SLC16A6: variants seen among roughly 807,000 people sequenced by gnomAD.
SLC16A6 encodes the protein solute carrier family 16 member 6, also known as monocarboxylate transporter 7.
Under a neutral mutation model 33.8 loss-of-function variants are expected in SLC16A6, and 15 were observed. The ratio of observed to expected loss-of-function variants is 0.44; its 90% confidence interval spans 0.30 to 0.68. The LOEUF is 0.68. Ranked by LOEUF, SLC16A6 falls within the 30% of genes least tolerant of loss-of-function variation. The probability of loss-of-function intolerance (pLI) is 0.10; values close to 1 mark genes in which losing one functional copy is unlikely to be tolerated. For synonymous variants in SLC16A6, 219 were observed against 248.4 expected, an observed-to-expected ratio of 0.88 and a Z score of 1.11; for missense variants, 451 against 661.5, an observed-to-expected ratio of 0.68 and a Z score of 3.49.
rs1402464659 is a variant in SLC16A6 at position 68,267,517 on chromosome 17, T to C, written c.*1579A>G. ...ACTTTCATTTCAGTGCAGAGAAATATTCAAGCTTGTGTGTACCTGTAACCA... is the reference window on the plus strand; with the variant it reads ...ACTTTCATTTCAGTGCAGAGAAATACTCAAGCTTGTGTGTACCTGTAACCA... On this transcript the variant is annotated 3_prime_UTR_variant, in exon 6 of 6. Transcript: ENST00000580666. 1.3e-5 allele frequency: 2 copies of C among 152,216 alleles called. No homozygotes were observed. Among genetic ancestry groups the C allele is most frequent in the Non-Finnish European group, 2.9e-5 (2 of 68,036 alleles). The allele number at this position is 152,216 out of a possible 1,614,324, so 9.4% of individuals were successfully genotyped here. A position where few individuals can be genotyped will look rare whatever the true frequency, so the allele number is the denominator to read the frequency against.
At chr17:68,272,558 T>C (rs1477265327) in intron 4 of SLC16A6, 81 bp downstream of exon 4, 2 of 1,525,994 alleles carry the variant, frequency 1.3e-6, no homozygotes, top group Admixed American at 3.6e-5. Flanking sequence ...ATCCATACTG[T>C]TGGCAAAAGT....
chr17:68,276,087 C>T (rs527657708), intron 2 of SLC16A6, among the ~76,000 whole-genome samples: 69 of 151,892 alleles, frequency 4.5e-4, no homozygotes, highest in Admixed American at 1.8e-3. Context: ...AGATAAATTT[C>T]TCTCTCTCTC....
rs201684893 is a variant in SLC16A6 at position 68,270,415 on chromosome 17, G to A, written c.1321+424C>T. 3.9e-4 allele frequency among the ~76,000 whole-genome samples: 59 copies of A among 152,178 alleles called. No individual in the cohort carries two copies. The East Asian group carries it at 0.01, about 26-fold the overall frequency. On this transcript the variant is annotated intron_variant, in intron 5 of 5. Coordinates refer to ENST00000580666, the MANE Select transcript of SLC16A6 (RefSeq NM_004694.5). ...CTAAAAATACAAAAATTAGCCAGGCGTGGTGGTGGGTGCCTGTAGTCCCAG... is the reference window on the plus strand; with the variant it reads ...CTAAAAATACAAAAATTAGCCAGGCATGGTGGTGGGTGCCTGTAGTCCCAG...
At chr17:68,280,693 A>T (rs553036509) in intron 1 of SLC16A6, among the ~76,000 whole-genome samples, 2 of 152,374 alleles carry the variant, frequency 1.3e-5, no homozygotes, top group African/African-American at 4.8e-5. Flanking sequence ...ACTAGAAGAA[A>T]ACATAGGGGA....
At chr17:68,277,250 G>T (rs2075553668) in intron 2 of SLC16A6, among the ~76,000 whole-genome samples, 1 of 151,568 alleles carries the variant, frequency 6.6e-6, no homozygotes, top group Admixed American at 6.6e-5. Flanking sequence ...TCCTACCTCA[G>T]CCTCCTGAGT....
Position 68,271,347 on chromosome 17 carries a change from C to G in SLC16A6, c.813G>C (p.Lys271Asn). Reference protein sequence around the residue: ...PKADMQQVLVKTSPRPSEKKA... With the variant: ...PKADMQQVLVNTSPRPSEKKA... ...TCTTTTCGCTTGGCCTGGGGCTGGTCTTCACCAGGACCTGCTGCATGTCGG... is the reference window on the plus strand; with the variant it reads ...TCTTTTCGCTTGGCCTGGGGCTGGTGTTCACCAGGACCTGCTGCATGTCGG... The change falls in exon 5 of 6, where the codon AAG becomes AAC. Residue 271 changes from lysine (K) to asparagine (N), a missense_variant. This residue lies in a region of SLC16A6 where 405 missense variants were observed against 510.7 expected (regional missense o/e 0.79). Coordinates refer to ENST00000580666, the MANE Select transcript of SLC16A6 (RefSeq NM_004694.5). The surrounding 1 kb of genome is among the most constrained non-coding windows in gnomAD (Gnocchi z 5.3). 6.2e-7 allele frequency: 1 copy of G among 1,614,228 alleles called. No individual in the cohort carries two copies. Among genetic ancestry groups the G allele is most frequent in the Non-Finnish European group, 8.5e-7 (1 of 1,180,046 alleles).
intron 2 of SLC16A6, 101 bp downstream of exon 2, chr17:68,277,988 G>C: frequency 1.3e-6 from 1 of 743,108 alleles, no homozygotes; most frequent in East Asian, 2.7e-5. Flanking sequence ...AGGCGTATAA[G>C]GGAATGAAAG....
At chr17:68,280,254 A>G (rs1200339530) in intron 1 of SLC16A6, among the ~76,000 whole-genome samples, 1 of 152,054 alleles carries the variant, frequency 6.6e-6, no homozygotes, top group Non-Finnish European at 1.5e-5. Flanking sequence ...CTATCAAAAT[A>G]CCAATGACAT....
chr17:68,277,621 G>A (rs2075566701), intron 2 of SLC16A6, among the ~76,000 whole-genome samples: 1 of 152,010 alleles, frequency 6.6e-6, no homozygotes, highest in Non-Finnish European at 1.5e-5. Context: ...GTAGAGATGG[G>A]GTTTCGCCAT....
rs139353004 is a variant in SLC16A6 at position 68,278,157 on chromosome 17, C to G, written c.164G>C (p.Ser55Thr). ...FGVFFNDLMD[S>T]FNESNSRISW... The stretch of plus-strand genomic sequence containing the variant: ...GATCCTGCTATTGGATTCATTAAAA[C>G]TGTCCATTAAGTCATTAAAGAAGAC... The change falls in exon 2 of 6, where the codon AGT becomes ACT. Residue 55 changes from serine to threonine, a missense_variant. By Grantham distance (58) the Ser-to-Thr change is moderately conservative (BLOSUM62 1). Around this residue, in one of 2 missense-constraint regions of SLC16A6, gnomAD observed 405 missense variants for 510.7 expected, o/e 0.79. Transcript: ENST00000580666. 4.3e-6 allele frequency: 7 copies of G among 1,614,014 alleles called. No individual in the cohort carries two copies. Among genetic ancestry groups the G allele is most frequent in the African/African-American group, 2.7e-5 (2 of 74,910 alleles).
intron 1 of SLC16A6, among the ~76,000 whole-genome samples, chr17:68,290,585 G>T (rs1204886263): frequency 6.6e-6 from 1 of 152,248 alleles, no homozygotes; most frequent in Non-Finnish European, 1.5e-5. Context: ...TGCTGTGTTT[G>T]GGGGTCGGGG....
intron 1 of SLC16A6, among the ~76,000 whole-genome samples, chr17:68,286,543 C>T (rs1396817058): frequency 6.6e-6 from 1 of 152,138 alleles, no homozygotes; most frequent in African/African-American, 2.4e-5. Flanking sequence ...CTTGCTATGT[C>T]ACCTAGGCTG....
At chr17:68,286,198 C>T (rs57679222) in intron 1 of SLC16A6, among the ~76,000 whole-genome samples, 2,227 of 152,314 alleles carry the variant, frequency 0.015, 50 homozygotes, top group African/African-American at 0.051. Context: ...CTGGCCAGCA[C>T]TGAAGTTCTG....
At position 68,272,811 on chromosome 17, in the gene SLC16A6, C is replaced by T. The variant is rs782553378; in HGVS notation, c.377-44G>A. On this transcript the variant is annotated intron_variant, in intron 3 of 5. Coordinates refer to ENST00000580666, the MANE Select transcript of SLC16A6 (RefSeq NM_004694.5). ...AAAAGCCAATGAGACCCACATACTG[C>T]TTGAGACTGGAAGGATGCATTAAAA... is the stretch of plus-strand genomic sequence containing the variant. The T allele has an allele frequency of 9.9e-6, 16 of 1,609,062 alleles. No individual in the cohort carries two copies. The Admixed American group carries it at 2.7e-4, about 27-fold the overall frequency.
chr17:68,282,529 T>C (rs1384678775), intron 1 of SLC16A6, among the ~76,000 whole-genome samples: 1 of 151,386 alleles, frequency 6.6e-6, no homozygotes, highest in African/African-American at 2.4e-5. Context: ...CCAGGCGCAG[T>C]GGCTCACGCC....
intron 1 of SLC16A6, among the ~76,000 whole-genome samples, chr17:68,281,339 C>G (rs6501344): frequency 6.6e-6 from 1 of 151,738 alleles, no homozygotes; most frequent in Non-Finnish European, 1.5e-5. Flanking sequence ...GAGCCTGAGG[C>G]AGGTGGATCA....
chr17:68,269,665 C>T (rs2075267274), intron 5 of SLC16A6, among the ~76,000 whole-genome samples: 1 of 67,310 alleles, frequency 1.5e-5, no homozygotes, highest in Admixed American at 1.7e-4. Flanking sequence ...CACTTGAGTT[C>T]ACTTTAGGTT....
intron 1 of SLC16A6, among the ~76,000 whole-genome samples, chr17:68,280,252 A>G (rs563496138): frequency 5.3e-5 from 8 of 152,098 alleles, no homozygotes; most frequent in Non-Finnish European, 8.8e-5. Flanking sequence ...TCCTATCAAA[A>G]TACCAATGAC....
chr17:68,275,890 G>A (rs1555750737), intron 2 of SLC16A6, among the ~76,000 whole-genome samples: 1 of 151,648 alleles, frequency 6.6e-6, no homozygotes, highest in African/African-American at 2.4e-5. Flanking sequence ...GGCTAAGGCA[G>A]GAGAATCACT....
Sources: gnomAD v4.1 joint callset for allele counts (sites outside exome capture counted in the v4.1 genomes callset) on GRCh38, gnomAD v4.1.1 for gene constraint, gnomAD v4.1.1 regional missense constraint, Gnocchi (gnomAD v3.1) non-coding constraint, MANE v1.5 for transcripts, NCBI Gene and HGNC (gene_info 2026-07-23, HGNC 2026-07-21) for gene names.